The following INSL6 variants were observed in gnomAD, a reference collection of about 807,000 sequenced individuals.
The protein encoded by INSL6 is insulin like 6.
Under a neutral mutation model 9.4 loss-of-function variants are expected in INSL6, and 16 were observed. The ratio of observed to expected loss-of-function variants is 1.70; its 90% CI spans 1.15 to 2.59. INSL6 has a LOEUF of 2.59. Among genes scored for constraint, INSL6 ranks in the 30% most tolerant of loss-of-function variants. The pLI is 0.00. For missense variants in INSL6, 391 were observed against 257.3 expected (o/e 1.52, Z -3.56); for synonymous variants, 154 against 96.9 (o/e 1.59, Z -3.46).
the INSL6 span, chr9:5,114,464 G>T: frequency 2.1e-6 from 1 of 470,836 alleles, no homozygotes; most frequent in South Asian, 1.9e-5. Context: ...TGCAGTCCAC[G>T]ACCAAGATCA....
the INSL6 span, chr9:5,069,029 A>G: frequency 1.9e-6 from 3 of 1,572,512 alleles, no homozygotes; most frequent in African/African-American, 4.1e-5. Flanking sequence ...CAGCGAGAAA[A>G]TGTCATTGAA....
chr9:5,177,144 T>C (rs535002498), intron 1 of INSL6, among the ~76,000 whole-genome samples: 2 of 152,042 alleles, frequency 1.3e-5, no homozygotes, highest in Non-Finnish European at 1.5e-5. Flanking sequence ...GGGAGAGGAA[T>C]AAAAGAGTGA....
At chr9:5,147,512 A>C (rs1296068141) in intron 2 of INSL6, among the ~76,000 whole-genome samples, 1 of 152,174 alleles carries the variant, frequency 6.6e-6, no homozygotes, top group African/African-American at 2.4e-5. Flanking sequence ...GAGTAGCTAG[A>C]GGCCCAGGCC....
chr9:5,114,622 C>T, the INSL6 span: 102 of 484,722 alleles, frequency 2.1e-4, no homozygotes, highest in African/African-American at 1.7e-3. Context: ...GTGCAGCTCC[C>T]GGACACTTGG....
chr9:5,070,762 G>A, the INSL6 span, among the ~76,000 whole-genome samples: 1 of 151,902 alleles, frequency 6.6e-6, no homozygotes, highest in Non-Finnish European at 1.5e-5. Flanking sequence ...CCAAACCCAT[G>A]CTGTTCAAGG....
chr9:4,998,197 C>G, the INSL6 span, among the ~76,000 whole-genome samples: 1 of 151,926 alleles, frequency 6.6e-6, no homozygotes, highest in Non-Finnish European at 1.5e-5. Flanking sequence ...CTTGGTAATA[C>G]AGGCTTGGAA....
At chr9:5,086,207 CA>C in the INSL6 span, 3 of 582,256 alleles carry the variant, frequency 5.2e-6, no homozygotes, top group African/African-American at 2.0e-5. Context: ...CCCCCGCCAC[CA>C]GCGCGAGGCC....
chr9:5,045,385 C>T, the INSL6 span, among the ~76,000 whole-genome samples: 1 of 151,984 alleles, frequency 6.6e-6, no homozygotes, highest in East Asian at 1.9e-4. Flanking sequence ...GGTATGAGAC[C>T]AACAAACTTT....
chr9:5,115,165 C>T, the INSL6 span, among the ~76,000 whole-genome samples: 5 of 152,070 alleles, frequency 3.3e-5, no homozygotes, highest in Admixed American at 2.6e-4. Context: ...AATCTAGCCA[C>T]CTGACAAAAG....
intron 1 of INSL6, among the ~76,000 whole-genome samples, 165 bp downstream of exon 1, chr9:5,185,149 T>C (rs1044533341): frequency 3.9e-5 from 6 of 152,106 alleles, no homozygotes; most frequent in African/African-American, 9.7e-5. Flanking sequence ...AAGCGCTTCA[T>C]TGAAGTTTTG....
At chr9:5,137,576 A>G (rs1402730756) in intron 2 of INSL6, among the ~76,000 whole-genome samples, 1 of 152,310 alleles carries the variant, frequency 6.6e-6, no homozygotes, top group Middle Eastern at 3.4e-3. Context: ...TACACCTTAT[A>G]CAAAAATTAA....
chr9:5,184,183 T>C (rs527772700), intron 1 of INSL6, among the ~76,000 whole-genome samples: 71 of 152,350 alleles, frequency 4.7e-4, no homozygotes, highest in African/African-American at 1.7e-3. Context: ...GTGCCTACAA[T>C]GTGCATTGTT....
downstream of INSL6, among the ~76,000 whole-genome samples, chr9:5,159,818 A>G (rs1325979430): frequency 1.3e-5 from 2 of 152,198 alleles, no homozygotes; most frequent in Non-Finnish European, 1.5e-5. Context: ...TTTACAGAAC[A>G]CTTCATCCAA....
At chr9:5,005,781 G>T in the INSL6 span, among the ~76,000 whole-genome samples, 1 of 152,142 alleles carries the variant, frequency 6.6e-6, no homozygotes, top group Non-Finnish European at 1.5e-5. Context: ...AAGTCACTGG[G>T]CATTACATTT....
chr9:5,154,095 A>C (rs1170957696), intron 2 of INSL6, among the ~76,000 whole-genome samples: 1 of 152,208 alleles, frequency 6.6e-6, no homozygotes, highest in Non-Finnish European at 1.5e-5. Flanking sequence ...ACAGTAACAG[A>C]AACAGCATGG....
chr9:5,079,971 G>A, the INSL6 span, among the ~76,000 whole-genome samples: 1 of 152,066 alleles, frequency 6.6e-6, no homozygotes. Flanking sequence ...CTAACAAATT[G>A]TGTGGCTTTG....
At chr9:5,035,746 T>C in the INSL6 span, among the ~76,000 whole-genome samples, 1 of 152,144 alleles carries the variant, frequency 6.6e-6, no homozygotes, top group African/African-American at 2.4e-5. Flanking sequence ...TAATAAGAGC[T>C]ATCTATGACA....
At chr9:5,075,679 G>A in the INSL6 span, among the ~76,000 whole-genome samples, 3 of 152,190 alleles carry the variant, frequency 2.0e-5, no homozygotes, top group Non-Finnish European at 2.9e-5. Flanking sequence ...GAGCTCTGAT[G>A]GAGATGTACA....
the INSL6 span, among the ~76,000 whole-genome samples, chr9:5,037,924 C>A: frequency 3.0e-3 from 451 of 152,240 alleles, 2 homozygotes; most frequent in African/African-American, 9.9e-3. Context: ...GGTTAGTATT[C>A]TTGTAAGTAT....
Sources: gnomAD v4.1 joint callset for allele counts (sites outside exome capture counted in the v4.1 genomes callset) on GRCh38, gnomAD v4.1.1 for gene constraint, MANE v1.5 for transcripts, NCBI Gene and HGNC (gene_info 2026-07-23, HGNC 2026-07-21) for gene names.